Variants in NSL1 observed in about 807,000 individuals in gnomAD.
NSL1 encodes the protein NSL1 component of MIS12 kinetochore complex.
In NSL1, 11 loss-of-function variants were observed where a neutral mutation model predicts 25.4. That is an observed-to-expected ratio of 0.43 (90% CI 0.27 to 0.72). The LOEUF is 0.72. Among genes scored for constraint, NSL1 ranks in the 30% least tolerant of loss-of-function variants. The probability of loss-of-function intolerance (pLI) is 0.19; values close to 1 mark genes in which losing one functional copy is unlikely to be tolerated. For synonymous variants in NSL1, 118 were observed against 120.6 expected (o/e 0.98, Z 0.14); for missense variants, 330 against 342.7 (o/e 0.96, Z 0.29).
intron 4 of NSL1, among the ~76,000 whole-genome samples, chr1:212,740,554 T>C (rs1470264712): frequency 6.6e-6 from 1 of 152,130 alleles, no homozygotes; most frequent in Non-Finnish European, 1.5e-5. Flanking sequence ...AAATTTTTAA[T>C]GTACTTGTTT....
intron 4 of NSL1, among the ~76,000 whole-genome samples, chr1:212,767,226 A>T (rs1279199379): frequency 6.6e-6 from 1 of 152,254 alleles, no homozygotes; most frequent in Non-Finnish European, 1.5e-5. Context: ...ACAACATGGT[A>T]CTGGTATAAA....
intron 1 of NSL1, among the ~76,000 whole-genome samples, chr1:212,790,690 A>G (rs1661174424): frequency 6.6e-6 from 1 of 152,118 alleles, no homozygotes. Flanking sequence ...TGGGAGCCCA[A>G]GGCGGGCGGA....
rs1015571558 is a variant in NSL1 at position 212,730,839 on chromosome 1, C to G, written c.*7569G>C. 68 of 985,290 alleles carry G rather than the reference C, an allele frequency of 6.9e-5. No homozygotes were observed. The highest frequency in any genetic ancestry group is 8.1e-5 in the Non-Finnish European group (67 of 829,930). 61.0% of individuals were successfully genotyped at this position (985,290 alleles called of 1,614,324 possible). ...GTTTTTTACCTCTCCCCTCCCCACA[C>G]TCACCTTCTAAGTTCAATTAATAAT... On this transcript the variant is annotated 3_prime_UTR_variant, in exon 6 of 6. Transcript: ENST00000366977.
chr1:212,770,679 T>C (rs1660060850), intron 4 of NSL1, among the ~76,000 whole-genome samples: 1 of 152,186 alleles, frequency 6.6e-6, no homozygotes, highest in Admixed American at 6.5e-5. Context: ...GGAAGAATTG[T>C]TCCTAACTCA....
chr1:212,769,754 T>C (rs1444219870), intron 4 of NSL1, among the ~76,000 whole-genome samples: 1 of 151,790 alleles, frequency 6.6e-6, no homozygotes, highest in Non-Finnish European at 1.5e-5. Context: ...AGAAAACCAC[T>C]AAACCACAAT....
chr1:212,749,339 GTTTT>G (rs10717383), intron 4 of NSL1, among the ~76,000 whole-genome samples: 2 of 76,948 alleles, frequency 2.6e-5, no homozygotes, highest in African/African-American at 9.2e-5. Context: ...GTTTTATTGT[GTTTT>G]TTTTTTTTTT....
intron 4 of NSL1, among the ~76,000 whole-genome samples, chr1:212,762,238 C>T (rs998037411): frequency 1.4e-5 from 2 of 143,924 alleles, no homozygotes; most frequent in South Asian, 2.2e-4. Context: ...GCAGAGGTTG[C>T]GGTGCGCCAA....
chr1:212,784,814 A>G (rs1660875859), intron 2 of NSL1, among the ~76,000 whole-genome samples: 1 of 152,236 alleles, frequency 6.6e-6, no homozygotes, highest in Non-Finnish European at 1.5e-5. Flanking sequence ...CAATAGAGGT[A>G]TGAGCAAAAT....
rs574870817 is a variant in NSL1 at position 212,726,677 on chromosome 1, TAC to T, written c.*11729_*11730del. ...ATCTCAGCTCCCAGCGGCACTGTGTTACCCCTGAGGTTGGCTCCTCTTCAATG... is the reference window on the plus strand; with the variant it reads ...ATCTCAGCTCCCAGCGGCACTGTGTTCCCTGAGGTTGGCTCCTCTTCAATG... On this transcript the variant is annotated 3_prime_UTR_variant, in exon 6 of 6. Coordinates refer to ENST00000366977, the MANE Select transcript of NSL1 (RefSeq NM_015471.4). The T allele has an allele frequency of 3.1e-4, 48 of 154,816 alleles. No homozygotes were observed. The South Asian group carries it at 9.3e-3, about 30-fold the overall frequency. 9.6% of individuals were successfully genotyped at this position (154,816 alleles called of 1,614,324 possible). A position where few individuals can be genotyped will look rare whatever the true frequency, so the allele number is the denominator to read the frequency against.
At chr1:212,786,183 G>A (rs1164806923) in intron 2 of NSL1, among the ~76,000 whole-genome samples, 1 of 151,890 alleles carries the variant, frequency 6.6e-6, no homozygotes, top group Non-Finnish European at 1.5e-5. Flanking sequence ...TGGGGTACAA[G>A]TGGTATTTGG....
At chr1:212,744,000 T>C (rs1294099354) in intron 4 of NSL1, among the ~76,000 whole-genome samples, 3 of 152,164 alleles carry the variant, frequency 2.0e-5, no homozygotes, top group Non-Finnish European at 2.9e-5. Flanking sequence ...TTTGGAACTC[T>C]CTCAGGGTGG....
Position 212,779,251 on chromosome 1 carries a change from C to T in NSL1, c.499+3121G>A, listed in dbSNP as rs995547085. ...GGAGGTGGGGGGTGGGGTCAGCCCC[C>T]CTCCCGGCCAGCCGCCCCGTCTCGG... On this transcript the variant is annotated intron_variant, in intron 4 of 5. Coordinates refer to ENST00000366977, the MANE Select transcript of NSL1 (RefSeq NM_015471.4). 2.0e-5 allele frequency among the ~76,000 whole-genome samples: 3 copies of T among 150,092 alleles called. No individual in the cohort carries two copies. In the East Asian group the frequency reaches 6.0e-4, roughly 30 times the overall value.
At chr1:212,769,654 A>AT (rs1485290447) in intron 4 of NSL1, among the ~76,000 whole-genome samples, 1 of 152,244 alleles carries the variant, frequency 6.6e-6, no homozygotes, top group African/African-American at 2.4e-5. Flanking sequence ...AGTATCTACC[A>AT]TCATGTGAAA....
intron 4 of NSL1, among the ~76,000 whole-genome samples, chr1:212,775,233 G>A (rs1185213263): frequency 1.3e-5 from 2 of 152,160 alleles, no homozygotes; most frequent in Non-Finnish European, 2.9e-5. Context: ...TGGCCGCCTA[G>A]GACCAGGGAA....
chr1:212,750,319 G>C (rs1174318267), intron 4 of NSL1, among the ~76,000 whole-genome samples: 1 of 152,064 alleles, frequency 6.6e-6, no homozygotes, highest in Non-Finnish European at 1.5e-5. Context: ...GAGCTGGGAG[G>C]AGGTGGGTGG....
chr1:212,767,028 A>G (rs368719917), intron 4 of NSL1, among the ~76,000 whole-genome samples: 1 of 152,222 alleles, frequency 6.6e-6, no homozygotes, highest in Non-Finnish European at 1.5e-5. Context: ...GACGCAATCT[A>G]CAAATTCAAC....
rs539725143 is a variant in NSL1, at chr1:212,776,374, A to G, written c.499+5998T>C. On this transcript the variant is annotated intron_variant, in intron 4 of 5. Coordinates refer to ENST00000366977, the MANE Select transcript of NSL1 (RefSeq NM_015471.4). ...GAGAAACTCCGTCTCAAAAAAAAATAATAAATAATAATAATAATAAATAAA... is the reference window on the plus strand; with the variant it reads ...GAGAAACTCCGTCTCAAAAAAAAATGATAAATAATAATAATAATAAATAAA... Among the ~76,000 whole-genome samples, 7 of 151,224 alleles carry G rather than the reference A, an allele frequency of 4.6e-5. No individual in the cohort carries two copies. In the East Asian group the frequency reaches 1.4e-3, roughly 29 times the overall value.
chr1:212,790,766 C>CA (rs1427792292), intron 1 of NSL1, among the ~76,000 whole-genome samples: 6 of 151,264 alleles, frequency 4.0e-5, no homozygotes, highest in Admixed American at 4.0e-4. Flanking sequence ...ACTAAAAACA[C>CA]AAAAAAATTA....
chr1:212,791,431 A>G, intron 1 of NSL1, 99 bp downstream of exon 1: 1 of 1,115,678 alleles, frequency 9.0e-7, no homozygotes. Context: ...GGGCACCGTT[A>G]ATTCTGCCAA....
Sources: allele counts gnomAD v4.1 joint callset (sites outside exome capture counted in the v4.1 genomes callset), GRCh38; gene constraint gnomAD v4.1.1; transcripts MANE v1.5; gene names NCBI Gene and HGNC (gene_info 2026-07-23, HGNC 2026-07-21).